THSD7B: variants seen among roughly 807,000 people sequenced by gnomAD.
THSD7B encodes thrombospondin type 1 domain containing 7B, also known as thrombospondin type-1 domain-containing protein 7B.
THSD7B carries 138 observed loss-of-function variants against 213.6 expected under a neutral mutation model. The observed-to-expected ratio is 0.65, with a 90% CI of 0.56 to 0.74. THSD7B has a LOEUF of 0.74. THSD7B is among the 30% of genes least tolerant of loss of function. The probability of loss-of-function intolerance (pLI) is 0.00; values close to 1 mark genes in which losing one functional copy is unlikely to be tolerated. For synonymous variants in THSD7B, 742 were observed against 687.0 expected, an observed-to-expected ratio of 1.08 and a Z score of -1.25; for missense variants, 1,931 against 1,991.5, an observed-to-expected ratio of 0.97 and a Z score of 0.58.
At chr2:137,620,776 C>A in intron 20 of THSD7B, 50 bp downstream of exon 20, 1 of 1,446,064 alleles carries the variant, frequency 6.9e-7, no homozygotes, top group Non-Finnish European at 9.6e-7. Context: ...TTCTAAATAT[C>A]ATTCAGTATG....
At chr2:137,430,379 T>C (rs1687150092) in intron 14 of THSD7B, among the ~76,000 whole-genome samples, 1 of 152,228 alleles carries the variant, frequency 6.6e-6, no homozygotes, top group South Asian at 2.1e-4. Context: ...AATTTTGATA[T>C]GGACTGTCCT....
rs1229966728 is a variant in THSD7B at position 137,356,961 on chromosome 2, C to CACAG, written c.2501-48649_2501-48648insGACA. On this transcript the variant is annotated intron_variant, in intron 12 of 27. Coordinates refer to ENST00000409968, the MANE Select transcript of THSD7B (RefSeq NM_001316349.2). The stretch of plus-strand genomic sequence containing the variant: ...ACACACACACATACACACACACACA[C>CACAG]ACACAGACACACACACACACACACA... Among the ~76,000 whole-genome samples, 589 of 67,202 alleles carry CACAG rather than the reference C, an allele frequency of 8.8e-3. 6 individuals are homozygous for CACAG. Among genetic ancestry groups the CACAG allele is most frequent in the African/African-American group, 0.023 (570 of 24,392 alleles). 44.1% of individuals were successfully genotyped at this position (67,202 alleles called of 152,430 possible). A position where few individuals can be genotyped will look rare whatever the true frequency, so the allele number is the denominator to read the frequency against.
intron 15 of THSD7B, among the ~76,000 whole-genome samples, chr2:137,542,163 A>C (rs1389685927): frequency 1.3e-5 from 2 of 151,738 alleles, no homozygotes; most frequent in African/African-American, 4.8e-5. Flanking sequence ...CTTAATAAAA[A>C]CCGTCAAAGC....
In THSD7B at chr2:137,115,153, A is replaced by C; in HGVS notation, c.1229A>C (p.Glu410Ala). ...TCCTGGAGAACTTCTGAATGGAAAG[A>C]ATGCCAAGTCTCTCTCCTCCTCGAG... ...RYSWRTSEWK[E>A]CQVSLLLEQQ... Residue 410 changes from glutamate (E) to alanine (A), a missense_variant, in exon 5 of 28, where the codon GAA (glutamate) becomes GCA (alanine). By Grantham distance (107) the Glu-to-Ala change is moderately radical (BLOSUM62 -1). Coordinates refer to ENST00000409968, the MANE Select transcript of THSD7B (RefSeq NM_001316349.2). 6.2e-7 allele frequency: 1 copy of C among 1,613,970 alleles called. No homozygotes were observed. Among genetic ancestry groups the C allele is most frequent in the Non-Finnish European group, 8.5e-7 (1 of 1,179,892 alleles).
At chr2:137,265,707 C>G (rs1177167084) in intron 10 of THSD7B, among the ~76,000 whole-genome samples, 1 of 152,160 alleles carries the variant, frequency 6.6e-6, no homozygotes, top group African/African-American at 2.4e-5. Context: ...GAAATGCAAT[C>G]CTGTGCTGGA....
chr2:136,797,576 A>G (rs1682093408), intron 1 of THSD7B, among the ~76,000 whole-genome samples: 2 of 152,086 alleles, frequency 1.3e-5, no homozygotes, highest in Admixed American at 6.6e-5. Context: ...AATGTTGTTC[A>G]TGGTCTTTTT....
chr2:137,346,002 T>C (rs945350774), intron 12 of THSD7B, among the ~76,000 whole-genome samples: 2 of 151,580 alleles, frequency 1.3e-5, no homozygotes, highest in Non-Finnish European at 3.0e-5. Flanking sequence ...GCCCTTTTAT[T>C]TTTGTGAGAG....
chr2:136,969,082 T>A (rs1685366286), intron 2 of THSD7B, among the ~76,000 whole-genome samples: 1 of 152,204 alleles, frequency 6.6e-6, no homozygotes, highest in African/African-American at 2.4e-5. Context: ...TAAAAAGATG[T>A]CAGCTATAGG....
At chr2:137,255,857 AT>A (rs936477547) in intron 10 of THSD7B, among the ~76,000 whole-genome samples, 1 of 151,932 alleles carries the variant, frequency 6.6e-6, no homozygotes, top group Non-Finnish European at 1.5e-5. Context: ...ACGCCTGATT[AT>A]TTTTATGTTT....
At chr2:137,068,869 C>A (rs1687426659) in intron 3 of THSD7B, among the ~76,000 whole-genome samples, 1 of 151,966 alleles carries the variant, frequency 6.6e-6, no homozygotes, top group Non-Finnish European at 1.5e-5. Context: ...GTCTTTACTT[C>A]TATAATGTAA....
chr2:137,565,745 G>A (rs961780090), intron 16 of THSD7B, among the ~76,000 whole-genome samples: 2 of 152,142 alleles, frequency 1.3e-5, no homozygotes, highest in African/African-American at 2.4e-5. Context: ...CACATGGAGA[G>A]AAGGCAAAAT....
rs145854841 is a variant in THSD7B at position 137,269,468 on chromosome 2, G to A, written c.2267-3065G>A. ...CCATGCTGTATATGTAGTCTCCCTT[G>A]GGGATTCTCCCTCCATGTGAGGTGA... On this transcript the variant is annotated intron_variant, in intron 10 of 27. Transcript: ENST00000409968. Among the ~76,000 whole-genome samples the A allele has an allele frequency of 1.2e-3, 185 of 152,284 alleles. 1 individual carries two copies. The highest frequency in any genetic ancestry group is 3.9e-3 in the African/African-American group (163 of 41,562).
chr2:137,399,981 T>C (rs1686312571), intron 12 of THSD7B, among the ~76,000 whole-genome samples: 1 of 152,190 alleles, frequency 6.6e-6, no homozygotes, highest in Non-Finnish European at 1.5e-5. Context: ...TAATCTACTA[T>C]TAACATTTTT....
At chr2:136,772,061 A>G (rs1558800004) in intron 1 of THSD7B, among the ~76,000 whole-genome samples, 1 of 152,100 alleles carries the variant, frequency 6.6e-6, no homozygotes, top group East Asian at 1.9e-4. Context: ...ATAGGAAACA[A>G]TCTGAGGGAC....
At chr2:137,366,543 G>C (rs1293426194) in intron 12 of THSD7B, among the ~76,000 whole-genome samples, 2 of 151,708 alleles carry the variant, frequency 1.3e-5, no homozygotes, top group African/African-American at 2.4e-5. Context: ...TATCACAAAT[G>C]GTTTCTCCTT....
At chr2:137,469,101 TA>T (rs1044837317) in intron 15 of THSD7B, among the ~76,000 whole-genome samples, 85 of 152,318 alleles carry the variant, frequency 5.6e-4, no homozygotes, top group African/African-American at 1.9e-3. Flanking sequence ...GGTTTGAATG[TA>T]AGACCTATCT....
chr2:137,566,836 C>CA, intron 16 of THSD7B, among the ~76,000 whole-genome samples: 1 of 149,620 alleles, frequency 6.7e-6, no homozygotes, highest in Non-Finnish European at 1.5e-5. Flanking sequence ...TATGAAATGC[C>CA]AAAAAAGAAA....
At chr2:137,668,805 T>C (rs1345336556) in intron 27 of THSD7B, among the ~76,000 whole-genome samples, 1 of 152,160 alleles carries the variant, frequency 6.6e-6, no homozygotes, top group African/African-American at 2.4e-5. Flanking sequence ...AAGAAAATCA[T>C]AAGGAATACA....
At chr2:137,166,011 A>G (rs1680121676) in intron 6 of THSD7B, among the ~76,000 whole-genome samples, 1 of 152,168 alleles carries the variant, frequency 6.6e-6, no homozygotes, top group African/African-American at 2.4e-5. Flanking sequence ...GAATAGAAGA[A>G]ATTAGTTACT....
Sources: gnomAD v4.1 joint callset for allele counts (sites outside exome capture counted in the v4.1 genomes callset) on GRCh38, gnomAD v4.1.1 for gene constraint, MANE v1.5 for transcripts, NCBI Gene and HGNC (gene_info 2026-07-23, HGNC 2026-07-21) for gene names.